Variants in VTI1A observed in about 807,000 individuals in gnomAD.
The protein encoded by VTI1A is vesicle transport through interaction with t-SNAREs homolog 1A.
Under a neutral mutation model 34.9 loss-of-function variants are expected in VTI1A, and 22 were observed. That is an observed-to-expected ratio of 0.63 (90% CI 0.45 to 0.90). The LOEUF (loss-of-function observed/expected upper bound fraction) is 0.90. Among genes scored for constraint, VTI1A ranks in the 40% least tolerant of loss-of-function variants. The probability of loss-of-function intolerance (pLI) is 0.00; values close to 1 mark genes in which losing one functional copy is unlikely to be tolerated. For synonymous variants in VTI1A, 87 were observed against 97.3 expected (o/e 0.89, Z 0.62); for missense variants, 268 against 275.6 (o/e 0.97, Z 0.20).
At chr10:112,756,679 TTCTC>T (rs1167366883) in intron 7 of VTI1A, among the ~76,000 whole-genome samples, 3 of 152,182 alleles carry the variant, frequency 2.0e-5, no homozygotes, top group Non-Finnish European at 2.9e-5. Context: ...AAATATTTTT[TTCTC>T]TCTATTAGCC....
intron 7 of VTI1A, among the ~76,000 whole-genome samples, chr10:112,712,920 G>A (rs567824168): frequency 1.3e-5 from 2 of 152,298 alleles, no homozygotes; most frequent in South Asian, 2.1e-4. Flanking sequence ...GTAAAACTGA[G>A]TAGGGCAAAA....
chr10:112,665,878 G>GT (rs1353294437), intron 5 of VTI1A, among the ~76,000 whole-genome samples: 7 of 152,128 alleles, frequency 4.6e-5, no homozygotes, highest in African/African-American at 1.7e-4. Flanking sequence ...TAGTAATAAC[G>GT]TATTTCCTCT....
chr10:112,742,349 G>C (rs1299913547), intron 7 of VTI1A, among the ~76,000 whole-genome samples: 1 of 152,210 alleles, frequency 6.6e-6, no homozygotes, highest in Non-Finnish European at 1.5e-5. Flanking sequence ...CATGTGTTAA[G>C]TAAACAGCTT....
At chr10:112,511,254 T>C (rs1029034155) in intron 3 of VTI1A, among the ~76,000 whole-genome samples, 4 of 151,746 alleles carry the variant, frequency 2.6e-5, no homozygotes, top group African/African-American at 7.3e-5. Context: ...GGTTTTTTTT[T>C]TTTTTTCTTT....
At chr10:112,732,460 T>C (rs1362331892) in intron 7 of VTI1A, among the ~76,000 whole-genome samples, 1 of 152,208 alleles carries the variant, frequency 6.6e-6, no homozygotes, top group Admixed American at 6.5e-5. Flanking sequence ...GCATTCAGAC[T>C]ATGAATGGAC....
intron 7 of VTI1A, among the ~76,000 whole-genome samples, chr10:112,752,068 C>T (rs913982259): frequency 6.6e-6 from 1 of 152,170 alleles, no homozygotes; most frequent in African/African-American, 2.4e-5. Flanking sequence ...TCAGGGAAGT[C>T]AGGTCTGTCT....
At chr10:112,524,580 A>G (rs1207142252) in intron 3 of VTI1A, among the ~76,000 whole-genome samples, 1 of 152,118 alleles carries the variant, frequency 6.6e-6, no homozygotes, top group Non-Finnish European at 1.5e-5. Flanking sequence ...GAGCATGTAC[A>G]CTCTTAATTG....
the VTI1A span, among the ~76,000 whole-genome samples, chr10:112,837,869 C>T: frequency 6.6e-6 from 1 of 152,188 alleles, no homozygotes; most frequent in Admixed American, 6.5e-5. Flanking sequence ...AATGAAACCA[C>T]TTTTGGGTAA....
the VTI1A span, among the ~76,000 whole-genome samples, chr10:112,830,849 A>ATATATATT: frequency 6.0e-5 from 2 of 33,496 alleles, no homozygotes; most frequent in African/African-American, 1.4e-4. Flanking sequence ...ATATATATAT[A>ATATATATT]TTTTTTTTTT....
At chr10:112,597,012 A>G (rs1354396538) in intron 5 of VTI1A, among the ~76,000 whole-genome samples, 1 of 152,186 alleles carries the variant, frequency 6.6e-6, no homozygotes, top group African/African-American at 2.4e-5. Context: ...CTTCCATACC[A>G]TAAGATCAGA....
chr10:112,524,385 C>T (rs1162807044), intron 3 of VTI1A, among the ~76,000 whole-genome samples: 2 of 152,084 alleles, frequency 1.3e-5, no homozygotes, highest in Non-Finnish European at 2.9e-5. Context: ...AATGAGTCGT[C>T]TTTTCATTCT....
the VTI1A span, among the ~76,000 whole-genome samples, chr10:112,830,849 A>ATATATATATATTTTTTTTTT: frequency 2.1e-4 from 7 of 33,494 alleles, no homozygotes; most frequent in East Asian, 1.5e-3. Context: ...ATATATATAT[A>ATATATATATATTTTTTTTTT]TTTTTTTTTT....
At position 112,721,580 on chromosome 10, in the gene VTI1A, A is replaced by G. The variant is rs537732812; in HGVS notation, c.560+52582A>G. ...AAAGGCCTGAAGGGCTTTAGTTACT[A>G]CGGTCCTAAAGTCTGAGGCAGAGCT... On this transcript the variant is annotated intron_variant, in intron 7 of 7. Coordinates refer to ENST00000393077, the MANE Select transcript of VTI1A (RefSeq NM_145206.4). 3.0e-4 allele frequency among the ~76,000 whole-genome samples: 46 copies of G among 152,290 alleles called. No homozygotes were observed. In the South Asian group the frequency reaches 9.5e-3, roughly 32 times the overall value.
intron 7 of VTI1A, among the ~76,000 whole-genome samples, chr10:112,734,154 A>G (rs1470281506): frequency 1.3e-5 from 2 of 152,034 alleles, no homozygotes; most frequent in Non-Finnish European, 2.9e-5. Context: ...TGCCCTTCTC[A>G]GTACTCTCCA....
At chr10:112,660,467 A>G (rs781096512) in intron 5 of VTI1A, among the ~76,000 whole-genome samples, 1 of 152,168 alleles carries the variant, frequency 6.6e-6, no homozygotes, top group Non-Finnish European at 1.5e-5. Context: ...TTTACATTTA[A>G]GGAAACTGAG....
At chr10:112,638,735 ATT>A (rs11420607) in intron 5 of VTI1A, among the ~76,000 whole-genome samples, 10 of 139,840 alleles carry the variant, frequency 7.2e-5, no homozygotes, top group Admixed American at 1.4e-4. Context: ...TATTTCTTTA[ATT>A]TTTTTTTTTT....
intron 7 of VTI1A, among the ~76,000 whole-genome samples, chr10:112,713,164 C>T (rs761375494): frequency 4.6e-5 from 7 of 152,152 alleles, no homozygotes; most frequent in Admixed American, 6.5e-5. Flanking sequence ...AAGACCCCTC[C>T]CTCCTTAGTT....
intron 5 of VTI1A, among the ~76,000 whole-genome samples, chr10:112,551,212 C>T (rs549159632): frequency 6.9e-5 from 10 of 144,932 alleles, no homozygotes; most frequent in Non-Finnish European, 1.2e-4. Flanking sequence ...CCACTGCACT[C>T]CAGCCTGGGC....
At chr10:112,851,708 C>T in the VTI1A span, among the ~76,000 whole-genome samples, 2 of 152,190 alleles carry the variant, frequency 1.3e-5, no homozygotes, top group Non-Finnish European at 2.9e-5. Flanking sequence ...AGAAGCCATA[C>T]AGGGGCTTCT....
Sources: gnomAD v4.1 joint callset for allele counts (sites outside exome capture counted in the v4.1 genomes callset) on GRCh38, gnomAD v4.1.1 for gene constraint, MANE v1.5 for transcripts, NCBI Gene and HGNC (gene_info 2026-07-23, HGNC 2026-07-21) for gene names.